Variants in DLGAP2 observed in about 807,000 individuals in gnomAD.
DLGAP2 encodes the protein DLG associated protein 2.
A neutral mutation model predicts 100.3 loss-of-function variants in DLGAP2; 26 were observed. The ratio of observed to expected loss-of-function variants is 0.26; its 90% confidence interval spans 0.19 to 0.36. The LOEUF (loss-of-function observed/expected upper bound fraction) is 0.36, where lower values mean the gene tolerates loss of function less well. DLGAP2 is among the 10% of genes least tolerant of loss of function. The pLI is 1.00. For synonymous variants in DLGAP2, 886 were observed against 630.1 expected (o/e 1.41, Z -6.08); for missense variants, 1,858 against 1,453.2 (o/e 1.28, Z -4.53).
At chr8:1,663,413 G>A (rs755692194) in intron 8 of DLGAP2, among the ~76,000 whole-genome samples, 7 of 152,026 alleles carry the variant, frequency 4.6e-5, no homozygotes, top group African/African-American at 9.7e-5. Flanking sequence ...ACCCGTCTTC[G>A]CCAGCTTCTC....
chr8:1,548,396 T>A (rs1214321699), intron 4 of DLGAP2, among the ~76,000 whole-genome samples: 3 of 141,650 alleles, frequency 2.1e-5, no homozygotes, highest in Non-Finnish European at 4.5e-5. Context: ...GAGGCGGAGC[T>A]TGCAGTGAGC....
At chr8:918,053 A>T (rs549871276) in intron 2 of DLGAP2, among the ~76,000 whole-genome samples, 35 of 152,166 alleles carry the variant, frequency 2.3e-4, no homozygotes, top group Non-Finnish European at 4.7e-4. Flanking sequence ...GCAGCTGAAG[A>T]TATTCAGCCC....
intron 3 of DLGAP2, among the ~76,000 whole-genome samples, chr8:1,324,665 G>A (rs1000686305): frequency 3.3e-5 from 5 of 152,196 alleles, no homozygotes; most frequent in African/African-American, 1.2e-4. Context: ...ATTGATTCCT[G>A]TGTCCTTGAG....
chr8:1,216,254 C>T (rs779009656), intron 2 of DLGAP2, among the ~76,000 whole-genome samples: 3 of 152,148 alleles, frequency 2.0e-5, no homozygotes, highest in Non-Finnish European at 4.4e-5. Context: ...TTACTCTAGA[C>T]ATTGAGTGGT....
At chr8:1,354,618 T>G (rs977104845) in intron 3 of DLGAP2, among the ~76,000 whole-genome samples, 4 of 151,216 alleles carry the variant, frequency 2.6e-5, no homozygotes, top group East Asian at 3.9e-4. Context: ...ATGCTGCGGA[T>G]GAAGGTGGAA....
rs557170414 is a variant in DLGAP2, at chr8:1,278,077, CT to C, written c.106+19197del. On this transcript the variant is annotated intron_variant, in intron 3 of 14. Coordinates refer to ENST00000637795, the MANE Select transcript of DLGAP2 (RefSeq NM_001346810.2). ...CAATTTCAACATTCAGGAGACATGC[CT>C]TTCTTTTCTCATTTATTCAGATGAT... 3.6e-3 allele frequency among the ~76,000 whole-genome samples: 546 copies of C among 152,264 alleles called. 5 individuals carry two copies. Among genetic ancestry groups the C allele is most frequent in the Middle Eastern group, 0.027 (8 of 294 alleles).
chr8:1,463,742 C>T (rs1328588581), intron 3 of DLGAP2, among the ~76,000 whole-genome samples: 1 of 152,252 alleles, frequency 6.6e-6, no homozygotes, highest in East Asian at 1.9e-4. Context: ...TGTGAGCGGC[C>T]CAGGCCCTCC....
At chr8:1,439,302 G>C (rs112727923) in intron 3 of DLGAP2, among the ~76,000 whole-genome samples, 2,458 of 152,316 alleles carry the variant, frequency 0.016, 27 homozygotes, top group Non-Finnish European at 0.025. Context: ...GACAGAGGCT[G>C]TGGGGGTTTT....
intron 6 of DLGAP2, among the ~76,000 whole-genome samples, chr8:1,594,836 A>C (rs2977199): frequency 0.74 from 112,051 of 152,038 alleles, 41,580 homozygotes; most frequent in East Asian, 0.92. Context: ...CCTGCCCCTG[A>C]TCTTTCTCTG....
chr8:1,100,848 T>C (rs961948890), intron 2 of DLGAP2, among the ~76,000 whole-genome samples: 3 of 152,262 alleles, frequency 2.0e-5, no homozygotes, highest in African/African-American at 7.2e-5. Flanking sequence ...TTCATACAGA[T>C]GATAGCATTT....
chr8:1,069,718 G>A (rs369882577), intron 2 of DLGAP2, among the ~76,000 whole-genome samples: 2 of 152,126 alleles, frequency 1.3e-5, no homozygotes, highest in Admixed American at 6.5e-5. Flanking sequence ...AAAGTTATTT[G>A]TGCTCGCCAA....
At chr8:1,357,136 A>G (rs1332800191) in intron 3 of DLGAP2, among the ~76,000 whole-genome samples, 3 of 152,082 alleles carry the variant, frequency 2.0e-5, no homozygotes, top group Admixed American at 2.0e-4. Context: ...ACTGCAGAAG[A>G]CGTGTGCTCT....
chr8:1,541,207 C>T (rs1028555533), intron 4 of DLGAP2, among the ~76,000 whole-genome samples: 2 of 152,230 alleles, frequency 1.3e-5, no homozygotes, highest in African/African-American at 4.8e-5. Flanking sequence ...CACACTTCCT[C>T]TTTGTGTTTA....
intron 3 of DLGAP2, among the ~76,000 whole-genome samples, chr8:1,448,516 C>G (rs943368200): frequency 1.3e-5 from 2 of 151,906 alleles, no homozygotes; most frequent in African/African-American, 4.8e-5. Context: ...ACTATGTGGT[C>G]AATTTTGGAA....
chr8:1,020,339 C>G (rs1488982378), intron 2 of DLGAP2, among the ~76,000 whole-genome samples: 1 of 152,240 alleles, frequency 6.6e-6, no homozygotes, highest in Admixed American at 6.5e-5. Flanking sequence ...AAGCCCCTGA[C>G]TGGCTTAAGG....
At chr8:786,805 C>A (rs1178117359) in intron 1 of DLGAP2, among the ~76,000 whole-genome samples, 1 of 151,782 alleles carries the variant, frequency 6.6e-6, no homozygotes, top group African/African-American at 2.4e-5. Context: ...ACCTTGTCTT[C>A]CGTTTTTTTT....
chr8:1,649,756 G>T (rs996440158), intron 8 of DLGAP2, among the ~76,000 whole-genome samples: 1 of 152,126 alleles, frequency 6.6e-6, no homozygotes, highest in Non-Finnish European at 1.5e-5. Flanking sequence ...ATAGAGGATC[G>T]TGCTGTGCTT....
intron 2 of DLGAP2, among the ~76,000 whole-genome samples, chr8:1,243,798 T>G (rs56397620): frequency 0.11 from 16,383 of 152,204 alleles, 1,020 homozygotes; most frequent in South Asian, 0.16. Context: ...CTGCCACCAT[T>G]GAAACCTTCC....
rs553760753 is a variant in DLGAP2, at chr8:1,684,032, A to C, written c.2704+5403A>C. Among the ~76,000 whole-genome samples, 19 of 142,368 alleles carry C rather than the reference A, an allele frequency of 1.3e-4. No homozygotes were observed. In the South Asian group the frequency reaches 4.1e-3, roughly 31 times the overall value. 93.4% of individuals were successfully genotyped at this position (142,368 alleles called of 152,430 possible). Reference sequence around the variant, plus strand: ...AGTCTCACTCTGACACCAAGGCTGGAGCGCAGTGGCGCGATCTCAGCTCAC... The same window carrying C: ...AGTCTCACTCTGACACCAAGGCTGGCGCGCAGTGGCGCGATCTCAGCTCAC... On this transcript the variant is annotated intron_variant, in intron 12 of 14. Coordinates refer to ENST00000637795, the MANE Select transcript of DLGAP2 (RefSeq NM_001346810.2).
Sources: allele counts gnomAD v4.1 joint callset (sites outside exome capture counted in the v4.1 genomes callset), GRCh38; gene constraint gnomAD v4.1.1; transcripts MANE v1.5; gene names NCBI Gene and HGNC (gene_info 2026-07-23, HGNC 2026-07-21).